LCMT2: variants seen among roughly 807,000 people sequenced by gnomAD.
LCMT2 encodes tRNA wybutosine-synthesizing protein 4.
A neutral mutation model predicts 42.0 loss-of-function variants in LCMT2; 34 were observed. That is an observed-to-expected ratio of 0.81 (90% CI 0.62 to 1.08). The LOEUF (loss-of-function observed/expected upper bound fraction) is 1.08. Among genes scored for constraint, LCMT2 ranks in the 50% least tolerant of loss-of-function variants. The pLI is 0.00. For synonymous variants in LCMT2, 445 were observed against 369.5 expected, an observed-to-expected ratio of 1.20 and a Z score of -2.34; for missense variants, 1,091 against 889.4, an observed-to-expected ratio of 1.23 and a Z score of -2.88.
rs931604728 is a variant in LCMT2, at chr15:43,330,283, A to G, written c.207T>C (p.Ala69=). 6 of 1,595,146 alleles carry G rather than the reference A, an allele frequency of 3.8e-6. No homozygotes were observed. Among genetic ancestry groups the G allele is most frequent in the Non-Finnish European group, 4.3e-6 (5 of 1,176,022 alleles). Residue 69 remains alanine, a synonymous_variant, in exon 1 of 1, where the codon GCT becomes GCC. Coordinates refer to ENST00000305641, the MANE Select transcript of LCMT2 (RefSeq NM_014793.5). ...RARAVRHCVR[A]FLEQIGAPQA... ...GGGGCGCGCCAATCTGCTCCAAAAA[A>G]GCGCGCACGCAGTGCCTCACGGCGC... is the stretch of plus-strand genomic sequence containing the variant.
At position 43,323,792 on chromosome 15, in the gene LCMT2, C is replaced by G. The variant is rs1448425408; in HGVS notation, c.*4637G>C. 1 of 152,218 alleles carries G rather than the reference C, an allele frequency of 6.6e-6. No homozygotes were observed. The highest frequency in any genetic ancestry group is 6.5e-5 in the Admixed American group (1 of 15,282). 9.4% of individuals were successfully genotyped at this position (152,218 alleles called of 1,614,324 possible). On this transcript the variant is annotated 3_prime_UTR_variant, in exon 1 of 1. Coordinates refer to ENST00000305641, the MANE Select transcript of LCMT2 (RefSeq NM_014793.5). Reference sequence around the variant, plus strand: ...TTAAAATTTTAATGCTTACCTCCCCCTGACACACACACATACACAACAATT... The same window carrying G: ...TTAAAATTTTAATGCTTACCTCCCCGTGACACACACACATACACAACAATT...
At position 43,328,246 on chromosome 15, in the gene LCMT2, G is replaced by A; in HGVS notation, c.*183C>T. On this transcript the variant is annotated 3_prime_UTR_variant, in exon 1 of 1. Coordinates refer to ENST00000305641, the MANE Select transcript of LCMT2 (RefSeq NM_014793.5). ...TGGCCACTGTCTTCAGCTGTTTTCT[G>A]TAGTGATTGTTTCTAGGTATTTTAC... The A allele has an allele frequency of 4.8e-6, 3 of 627,990 alleles. No individual in the cohort carries two copies. Among genetic ancestry groups the A allele is most frequent in the South Asian group, 4.1e-5 (2 of 48,784 alleles). The allele number at this position is 627,990 out of a possible 1,614,324, so 38.9% of individuals were successfully genotyped here. A position where few individuals can be genotyped will look rare whatever the true frequency, so the allele number is the denominator to read the frequency against.
Position 43,329,372 on chromosome 15 carries a change from G to A in LCMT2, c.1118C>T (p.Ala373Val), listed in dbSNP as rs371016069. 8.7e-6 allele frequency: 14 copies of A among 1,613,896 alleles called. No homozygotes were observed. In the African/African-American group the frequency reaches 1.1e-4, roughly 12 times the overall value. ...CCCCTCCTGCTCTCCAAATCCTCCT[G>A]CACTGAGAATAACGTCTGGGCTCAA... ...VFLSPDVILS[A>V]GGFGEQEGRH... Residue 373 changes from alanine (A) to valine (V), a missense_variant, in exon 1 of 1, where the codon GCA becomes GTA. By Grantham distance (64) the Ala-to-Val change is moderately conservative. Transcript: ENST00000305641.
rs534756774 is a variant in LCMT2, at chr15:43,323,930, A to G, written c.*4499T>C. 2.0e-4 allele frequency: 30 copies of G among 152,318 alleles called. No homozygotes were observed. The highest frequency in any genetic ancestry group is 6.5e-4 in the African/African-American group (27 of 41,566). The allele number at this position is 152,318 out of a possible 1,614,324, so 9.4% of individuals were successfully genotyped here. ...AACAAGTATTTGTTGAGCATCTACT[A>G]TGTTGGTGATAGAAAAGTGAACCAG... On this transcript the variant is annotated 3_prime_UTR_variant, in exon 1 of 1. Transcript: ENST00000305641.
In LCMT2 at chr15:43,330,208, C is replaced by T. The variant is rs1161101732; in HGVS notation, c.282G>A (p.Ser94=). Residue 94 remains serine (S), a synonymous_variant, in exon 1 of 1, where the codon TCG becomes TCA. Transcript: ENST00000305641. Reference sequence around the variant, plus strand: ...CCGCGGTTTTTAAGCGAAAATAGAGCGAGTCGAAGCCAGCGCCGAGAGACA... The same window carrying T: ...CCGCGGTTTTTAAGCGAAAATAGAGTGAGTCGAAGCCAGCGCCGAGAGACA... ...QILSLGAGFD[S]LYFRLKTAGR... 10 of 1,611,368 alleles carry T rather than the reference C, an allele frequency of 6.2e-6. No individual in the cohort carries two copies. Among genetic ancestry groups the T allele is most frequent in the East Asian group, 2.2e-5 (1 of 44,838 alleles).
rs1197074095 is a variant in LCMT2, at chr15:43,325,476, G to A, written c.*2953C>T. 1 of 152,200 alleles carries A rather than the reference G, an allele frequency of 6.6e-6. No individual in the cohort carries two copies. Among genetic ancestry groups the A allele is most frequent in the East Asian group, 1.9e-4 (1 of 5,202 alleles). 9.4% of individuals were successfully genotyped at this position (152,200 alleles called of 1,614,324 possible). Reference sequence around the variant, plus strand: ...ATACTTCTAAGTGCTCTAATGAGTAGAGCTCGAGAGATGAATAATTCCTTA... The same window carrying A: ...ATACTTCTAAGTGCTCTAATGAGTAAAGCTCGAGAGATGAATAATTCCTTA... On this transcript the variant is annotated 3_prime_UTR_variant, in exon 1 of 1. Coordinates refer to ENST00000305641, the MANE Select transcript of LCMT2 (RefSeq NM_014793.5).
rs748663266 is a variant in LCMT2, at chr15:43,330,034, G to A, written c.456C>T (p.Ser152=). 3 of 1,612,464 alleles carry A rather than the reference G, an allele frequency of 1.9e-6. No individual in the cohort carries two copies. The highest frequency in any genetic ancestry group is 2.7e-5 in the African/African-American group (2 of 74,928). ...CCAGACCCAGGATGCAGTAGTCTGC[G>A]CTCTCAAAGCACAGCGCGGACGCGG... ...GEPASALCFE[S]ADYCILGLDL... is the part of the protein sequence containing the mutation. Residue 152 remains serine, a synonymous_variant, in exon 1 of 1, where the codon AGC becomes AGT. Coordinates refer to ENST00000305641, the MANE Select transcript of LCMT2 (RefSeq NM_014793.5).
rs2043139383 is a variant in LCMT2, at chr15:43,328,967, A to C, written c.1523T>G (p.Leu508Arg). The C allele has an allele frequency of 6.2e-7, 1 of 1,613,158 alleles. No homozygotes were observed. Among genetic ancestry groups the C allele is most frequent in the Admixed American group, 1.7e-5 (1 of 59,980 alleles). The change falls in exon 1 of 1, where the codon CTA (leucine) becomes CGA (arginine). Residue 508 changes from leucine (L) to arginine (R), a missense_variant. Coordinates refer to ENST00000305641, the MANE Select transcript of LCMT2 (RefSeq NM_014793.5). ...TACATGGAGGAAATGCCAGTCACTT[A>C]GTACAGGTTCCACCACGCTTCGACC... ...YGGRSVVEPV[L>R]SDWHFLHVGT...
In LCMT2 at chr15:43,327,958, C is replaced by G; in HGVS notation, c.*471G>C. The stretch of plus-strand genomic sequence containing the variant: ...GTTTTAATCAAACTGTGACTGTGTT[C>G]ATTTCAGGTTTCCTACATGAAGAAT... On this transcript the variant is annotated 3_prime_UTR_variant, in exon 1 of 1. Transcript: ENST00000305641. 6.3e-6 allele frequency: 1 copy of G among 159,508 alleles called. No individual in the cohort carries two copies. The highest frequency in any genetic ancestry group is 5.9e-5 in the Admixed American group (1 of 17,056). 9.9% of individuals were successfully genotyped at this position (159,508 alleles called of 1,614,324 possible).
rs2043154103 is a variant in LCMT2, at chr15:43,329,662, G to A, written c.828C>T (p.His276=). The change falls in exon 1 of 1, where the codon CAC becomes CAT. Residue 276 remains histidine (H), a synonymous_variant. Coordinates refer to ENST00000305641, the MANE Select transcript of LCMT2 (RefSeq NM_014793.5). The stretch of plus-strand genomic sequence containing the variant: ...GGCGTTCTTCTGCGGGAAGAAAGCA[G>A]TGATAGAATTCATTCATGTCCACGG... ...CGAVDMNEFY[H]CFLPAEERRR... is the part of the protein sequence containing the mutation. The A allele has an allele frequency of 6.2e-7, 1 of 1,613,882 alleles. No homozygotes were observed. Among genetic ancestry groups the A allele is most frequent in the Non-Finnish European group, 8.5e-7 (1 of 1,180,036 alleles).
rs1275121717 is a variant in LCMT2 at position 43,330,179 on chromosome 15, C to A, written c.311G>T (p.Arg104Leu). 5 of 1,611,656 alleles carry A rather than the reference C, an allele frequency of 3.1e-6. No homozygotes were observed. The highest frequency in any genetic ancestry group is 1.3e-5 in the African/African-American group (1 of 74,900). The part of the protein sequence containing the change: ...SLYFRLKTAG[R>L]LARAAVWEVD... ...CTCCCAGACTGCAGCCCGGGCCAGG[C>A]GGCCCGCGGTTTTTAAGCGAAAATA... Residue 104 changes from arginine (R) to leucine (L), a missense_variant, in exon 1 of 1, where the codon CGC (arginine) becomes CTC (leucine). Transcript: ENST00000305641.
Position 43,329,978 on chromosome 15 carries a change from G to A in LCMT2, c.512C>T (p.Ala171Val). Reference protein sequence around the residue: ...DLRQLQRVEEALGAAGLDAAS... With the variant: ...DLRQLQRVEEVLGAAGLDAAS... The stretch of plus-strand genomic sequence containing the variant: ...TGCGTCGAGCCCCGCGGCGCCCAGG[G>A]CCTCCTCCACTCGCTGGAGCTGCCG... The change falls in exon 1 of 1, where the codon GCC becomes GTC. Residue 171 changes from alanine to valine, a missense_variant. Physicochemically the swap from Ala to Val is moderately conservative, Grantham distance 64 (BLOSUM62 0). Transcript: ENST00000305641. The A allele has an allele frequency of 2.5e-6, 4 of 1,612,448 alleles. No homozygotes were observed. Among genetic ancestry groups the A allele is most frequent in the East Asian group, 2.2e-5 (1 of 44,860 alleles).
In LCMT2 at chr15:43,328,468, T is replaced by A. The variant is rs1486377297; in HGVS notation, c.2022A>T (p.Thr674=). Residue 674 remains threonine, a synonymous_variant, in exon 1 of 1, where the codon ACA becomes ACT. Transcript: ENST00000305641. The part of the protein sequence containing the change: ...FSFGTYFNPH[T]VTLDLSSLSA... The stretch of plus-strand genomic sequence containing the variant: ...TTAAGGAAGAAAGGTCTAATGTGAC[T>A]GTATGGGGGTTGAAGTAGGTACCAA... 1 of 1,614,042 alleles carries A rather than the reference T, an allele frequency of 6.2e-7. No homozygotes were observed. The highest frequency in any genetic ancestry group is 8.5e-7 in the Non-Finnish European group (1 of 1,180,010).
chr15:43,329,459 C>G lies in LCMT2; in HGVS notation c.1031G>C (p.Ser344Thr). ...GACCTGGCCCTCGCTACTGACTACG[C>G]TGGCAGGGAATACCCCTGAAGGCGA... The part of the protein sequence containing the change: ...PASPSGVFPA[S>T]VVSSEGQVPN... The change falls in exon 1 of 1, where the codon AGC becomes ACC. Residue 344 changes from serine to threonine, a missense_variant. Ser to Thr is a moderately conservative substitution (Grantham distance 58). Coordinates refer to ENST00000305641, the MANE Select transcript of LCMT2 (RefSeq NM_014793.5). 1 of 1,614,174 alleles carries G rather than the reference C, an allele frequency of 6.2e-7. No homozygotes were observed. The highest frequency in any genetic ancestry group is 8.5e-7 in the Non-Finnish European group (1 of 1,180,030).
rs1232519530 is a variant in LCMT2, at chr15:43,323,728, G to C, written c.*4701C>G. The C allele has an allele frequency of 6.6e-6, 1 of 152,166 alleles. No homozygotes were observed. The highest frequency in any genetic ancestry group is 2.4e-5 in the African/African-American group (1 of 41,430). 9.4% of individuals were successfully genotyped at this position (152,166 alleles called of 1,614,324 possible). A position where few individuals can be genotyped will look rare whatever the true frequency, so the allele number is the denominator to read the frequency against. ...TACCACCTTTACCTGGGTCAGAAAA[G>C]TTGAATGTATTTCCAAAGACTCTTA... On this transcript the variant is annotated 3_prime_UTR_variant, in exon 1 of 1. Coordinates refer to ENST00000305641, the MANE Select transcript of LCMT2 (RefSeq NM_014793.5).
chr15:43,328,403 G>A lies in LCMT2; in HGVS notation c.*26C>T. 6.3e-7 allele frequency: 1 copy of A among 1,592,442 alleles called. No homozygotes were observed. Among genetic ancestry groups the A allele is most frequent in the Non-Finnish European group, 8.6e-7 (1 of 1,169,566 alleles). ...GTGGAAAACTTTATTGTCTACTTTA[G>A]TGGGTCCTGAATATTAGTCCAGTCC... On this transcript the variant is annotated 3_prime_UTR_variant, in exon 1 of 1. Transcript: ENST00000305641.
In LCMT2 at chr15:43,328,669, A is replaced by G. The variant is rs775342930; in HGVS notation, c.1821T>C (p.His607=). ...KLLLVGGIWI[H]SSSFPGVTVI... The stretch of plus-strand genomic sequence containing the variant: ...CAGTCACTCCAGGAAATGAGGAGGA[A>G]TGAATCCAGATCCCTCCAACCAGTA... The change falls in exon 1 of 1, where the codon CAT becomes CAC. Residue 607 remains histidine (H), a synonymous_variant. Coordinates refer to ENST00000305641, the MANE Select transcript of LCMT2 (RefSeq NM_014793.5). 1 of 1,614,216 alleles carries G rather than the reference A, an allele frequency of 6.2e-7. No individual in the cohort carries two copies. Among genetic ancestry groups the G allele is most frequent in the Non-Finnish European group, 8.5e-7 (1 of 1,180,036 alleles).
At position 43,323,717 on chromosome 15, in the gene LCMT2, G is replaced by C. The variant is rs918149808; in HGVS notation, c.*4712C>G. ...ACCAGAAAGTCTACCACCTTTACCT[G>C]GGTCAGAAAAGTTGAATGTATTTCC... On this transcript the variant is annotated 3_prime_UTR_variant, in exon 1 of 1. Transcript: ENST00000305641. 14 of 152,150 alleles carry C rather than the reference G, an allele frequency of 9.2e-5. No individual in the cohort carries two copies. The highest frequency in any genetic ancestry group is 3.1e-4 in the African/African-American group (13 of 41,414). 9.4% of individuals were successfully genotyped at this position (152,150 alleles called of 1,614,324 possible).
In LCMT2 at chr15:43,324,178, T is replaced by A. The variant is rs2043106172; in HGVS notation, c.*4251A>T. The A allele has an allele frequency of 6.6e-6, 1 of 152,226 alleles. No individual in the cohort carries two copies. Among genetic ancestry groups the A allele is most frequent in the South Asian group, 2.1e-4 (1 of 4,836 alleles). 9.4% of individuals were successfully genotyped at this position (152,226 alleles called of 1,614,324 possible). ...GCTCTACACACTCTCCTTCTCTCTT[T>A]AAACATCAAGTCTAATGTGATTAGC... On this transcript the variant is annotated 3_prime_UTR_variant, in exon 1 of 1. Transcript: ENST00000305641.
Sources: allele counts gnomAD v4.1 joint callset, GRCh38; gene constraint gnomAD v4.1.1; transcripts MANE v1.5; gene names NCBI Gene and HGNC (gene_info 2026-07-23, HGNC 2026-07-21).